Variants in KIF15 observed in about 807,000 individuals in gnomAD.
KIF15 encodes kinesin family member 15.
Under a neutral mutation model 190.6 loss-of-function variants are expected in KIF15, and 140 were observed. The observed-to-expected ratio is 0.73, with a 90% confidence interval of 0.64 to 0.84. The LOEUF (loss-of-function observed/expected upper bound fraction) is 0.84. Ranked by LOEUF, KIF15 falls within the 40% of genes least tolerant of loss-of-function variation. KIF15 has a pLI of 0.00. For missense variants in KIF15, 1,372 were observed against 1,584.4 expected, an observed-to-expected ratio of 0.87 and a Z score of 2.28; for synonymous variants, 528 against 551.3, an observed-to-expected ratio of 0.96 and a Z score of 0.59.
At chr3:44,809,334 G>C (rs938893393) in intron 16 of KIF15, among the ~76,000 whole-genome samples, 4 of 152,020 alleles carry the variant, frequency 2.6e-5, no homozygotes, top group Non-Finnish European at 5.9e-5. Context: ...GCATTTGTTT[G>C]TTAGGTGTAC....
intron 1 of KIF15, among the ~76,000 whole-genome samples, chr3:44,773,615 C>T (rs1289867881): frequency 6.6e-6 from 1 of 152,222 alleles, no homozygotes; most frequent in African/African-American, 2.4e-5. Context: ...ATGAGGCCAA[C>T]ATTCCCTACC....
intron 20 of KIF15, among the ~76,000 whole-genome samples, chr3:44,815,853 A>G (rs1708010176): frequency 6.6e-6 from 1 of 152,146 alleles, no homozygotes; most frequent in Non-Finnish European, 1.5e-5. Context: ...TGTGAATGTG[A>G]TGTGAATGTA....
At chr3:44,825,080 C>T (rs1697568961) in intron 20 of KIF15, among the ~76,000 whole-genome samples, 1 of 152,176 alleles carries the variant, frequency 6.6e-6, no homozygotes, top group African/African-American at 2.4e-5. Flanking sequence ...TTTTTAAATA[C>T]ACTGAACACA....
intron 19 of KIF15, chr3:44,813,419 G>T: frequency 2.9e-6 from 1 of 344,064 alleles, no homozygotes. Context: ...AAAGTTTTTT[G>T]TTGTTTGTTT....
At chr3:44,778,271 C>A in intron 4 of KIF15, 80 bp downstream of exon 4, 3 of 1,108,814 alleles carry the variant, frequency 2.7e-6, no homozygotes, top group Non-Finnish European at 4.2e-6. Context: ...TTACCACAAA[C>A]GTAGTGGCTT....
chr3:44,784,823 G>GTTTTTTTTTTTTTTTT, intron 5 of KIF15, 22 bp from the exon 6 acceptor site: 1 of 1,100,566 alleles, frequency 9.1e-7, no homozygotes, highest in Non-Finnish European at 1.3e-6. Flanking sequence ...AAAATCCAGT[G>GTTTTTTTTTTTTTTTT]TTTTTTTTTT....
chr3:44,864,045 C>T (rs964275743), intron 6 of KIF15: 2 of 794,584 alleles, frequency 2.5e-6, no homozygotes, highest in Non-Finnish European at 4.0e-6. Context: ...TTAAGTGAAG[C>T]CCTGTGCAGG....
rs934613234 is a variant in KIF15, at chr3:44,838,174, A to G, written c.3172-101A>G. The G allele has an allele frequency of 3.1e-6, 4 of 1,272,678 alleles. No homozygotes were observed. The South Asian group carries it at 6.1e-5, about 19-fold the overall frequency. 78.8% of individuals were successfully genotyped at this position (1,272,678 alleles called of 1,614,324 possible). On this transcript the variant is annotated intron_variant, in intron 26 of 34. Coordinates refer to ENST00000326047, the MANE Select transcript of KIF15 (RefSeq NM_020242.3). ...ACAAGCAAAAGAAATAGGTTTTTAC[A>G]TAAAACTTCCTTAGTCTGTTAAAAG... is the stretch of plus-strand genomic sequence containing the variant.
chr3:44,815,271 C>T (rs998943374), intron 20 of KIF15, among the ~76,000 whole-genome samples, 195 bp downstream of exon 20: 4 of 152,158 alleles, frequency 2.6e-5, no homozygotes, highest in Admixed American at 2.6e-4. Context: ...GCAATATTGT[C>T]AGTGTTCTAT....
Position 44,761,838 on chromosome 3 carries a change from G to C in KIF15, c.-28G>C, listed in dbSNP as rs956079705. On this transcript the variant is annotated 5_prime_UTR_variant, in exon 1 of 35. Transcript: ENST00000326047. The stretch of plus-strand genomic sequence containing the variant: ...GGGAGGTGGAGGCACCGGCTGCATT[G>C]TTTTCGGGATCGAGGGGTGAGGGCG... 1.9e-6 allele frequency: 3 copies of C among 1,614,050 alleles called. No homozygotes were observed. The African/African-American group carries it at 4.0e-5, about 22-fold the overall frequency.
Position 44,801,866 on chromosome 3 carries a change from AATACGCTTGG to A in KIF15, c.1403_1412del (p.Ile468LysfsTer23). 1 of 1,612,960 alleles carries A rather than the reference AATACGCTTGG, an allele frequency of 6.2e-7. No individual in the cohort carries two copies. Among genetic ancestry groups the A allele is most frequent in the Non-Finnish European group, 8.5e-7 (1 of 1,179,018 alleles). On this transcript the variant is annotated frameshift_variant, in exon 13 of 35. Coordinates refer to ENST00000326047, the MANE Select transcript of KIF15 (RefSeq NM_020242.3). LOFTEE classifies it high-confidence loss of function. ...TTGTGAAATTCCGAGAGGATCAAAT[AATACGCTTGG>A]AAAAGCTCCACAAGGAATCCCGGGG...
In KIF15 at chr3:44,853,110, C is replaced by T. The variant is rs1699119406; in HGVS notation, c.*375C>T. The T allele has an allele frequency of 6.4e-6, 1 of 156,316 alleles. No individual in the cohort carries two copies. Among genetic ancestry groups the T allele is most frequent in the Non-Finnish European group, 1.4e-5 (1 of 70,980 alleles). The allele number at this position is 156,316 out of a possible 1,614,324, so 9.7% of individuals were successfully genotyped here. A position where few individuals can be genotyped will look rare whatever the true frequency, so the allele number is the denominator to read the frequency against. On this transcript the variant is annotated 3_prime_UTR_variant, in exon 35 of 35. Transcript: ENST00000326047. ...GAAGTTCTAACAATATATGGTGGTT[C>T]CAACACCTGCAGTGAGTTTAATGAC...
chr3:44,769,598 G>A (rs1705560108), intron 1 of KIF15, among the ~76,000 whole-genome samples: 1 of 152,172 alleles, frequency 6.6e-6, no homozygotes, highest in Non-Finnish European at 1.5e-5. Context: ...GGCTTAATCG[G>A]CAGGAGTTAG....
intron 27 of KIF15, among the ~76,000 whole-genome samples, chr3:44,838,951 G>T (rs1346931205): frequency 1.3e-5 from 2 of 152,144 alleles, no homozygotes; most frequent in African/African-American, 4.8e-5. Flanking sequence ...GTGAGGTTAT[G>T]CCTGACTTTT....
At chr3:44,827,657 G>T in intron 23 of KIF15, 129 bp downstream of exon 23, 1 of 535,340 alleles carries the variant, frequency 1.9e-6, no homozygotes, top group Non-Finnish European at 3.3e-6. Context: ...TGGAATTTGG[G>T]GCTGGTTCTA....
At chr3:44,857,769 A>G (rs980867569), downstream of KIF15, among the ~76,000 whole-genome samples, 1 of 152,204 alleles carries the variant, frequency 6.6e-6, no homozygotes, top group Non-Finnish European at 1.5e-5. Context: ...GAGATCAGTC[A>G]GACATGATCG....
chr3:44,839,666 C>G (rs2135531), intron 27 of KIF15, among the ~76,000 whole-genome samples: 64,683 of 152,032 alleles, frequency 0.43, 15,466 homozygotes, highest in East Asian at 0.84. Context: ...CAACATCTCC[C>G]ATTGCTGATT....
At chr3:44,779,644 C>G (rs529993055) in intron 4 of KIF15, among the ~76,000 whole-genome samples, 1 of 150,690 alleles carries the variant, frequency 6.6e-6, no homozygotes, top group South Asian at 2.1e-4. Flanking sequence ...ACCAGCCTGG[C>G]CAAGATGGTG....
rs1575583075 is a variant in KIF15, at chr3:44,778,273, T to C, written c.323+82T>C. On this transcript the variant is annotated intron_variant, in intron 4 of 34. Coordinates refer to ENST00000326047, the MANE Select transcript of KIF15 (RefSeq NM_020242.3). ...CTGTTGTAACAAATTACCACAAACG[T>C]AGTGGCTTAAAACAACACAAATGTA... 6.3e-6 allele frequency: 7 copies of C among 1,104,770 alleles called. No homozygotes were observed. The East Asian group carries it at 9.4e-5, about 15-fold the overall frequency. The allele number at this position is 1,104,770 out of a possible 1,614,324, so 68.4% of individuals were successfully genotyped here. A position where few individuals can be genotyped will look rare whatever the true frequency, so the allele number is the denominator to read the frequency against.
Sources: gnomAD v4.1 joint callset for allele counts (sites outside exome capture counted in the v4.1 genomes callset) on GRCh38, gnomAD v4.1.1 for gene constraint, MANE v1.5 for transcripts, NCBI Gene and HGNC (gene_info 2026-07-23, HGNC 2026-07-21) for gene names.